Variants in SNTG2 observed in about 807,000 individuals in gnomAD.
The protein encoded by SNTG2 is syntrophin gamma 2.
In SNTG2, 74 loss-of-function variants were observed where a neutral mutation model predicts 70.9. The observed-to-expected ratio is 1.04, with a 90% CI of 0.86 to 1.27. The LOEUF (loss-of-function observed/expected upper bound fraction) is 1.27, where lower values mean the gene tolerates loss of function less well. Ranked by LOEUF, SNTG2 falls within the 50% of genes most tolerant of loss-of-function variation. SNTG2 has a pLI of 0.00. For synonymous variants in SNTG2, 278 were observed against 273.8 expected, an observed-to-expected ratio of 1.02 and a Z score of -0.15; for missense variants, 717 against 690.7, an observed-to-expected ratio of 1.04 and a Z score of -0.43.
chr2:968,005 A>G (rs994913110), intron 1 of SNTG2, among the ~76,000 whole-genome samples: 6 of 152,086 alleles, frequency 3.9e-5, no homozygotes, highest in Non-Finnish European at 7.3e-5. Context: ...AGCTTGGGCA[A>G]CAGAGCGAGA....
chr2:1,314,925 T>G (rs1681201644), intron 15 of SNTG2, among the ~76,000 whole-genome samples: 1 of 152,160 alleles, frequency 6.6e-6, no homozygotes, highest in Non-Finnish European at 1.5e-5. Flanking sequence ...GGGAAAGACC[T>G]GCCCTCATGA....
intron 2 of SNTG2, among the ~76,000 whole-genome samples, chr2:1,092,255 GA>G (rs984859314): frequency 1.2e-4 from 3 of 25,426 alleles, no homozygotes; most frequent in African/African-American, 3.9e-4. Context: ...ATTAGAGAGA[GA>G]AAAAAAAACC....
chr2:977,973 G>A (rs1162488358), intron 1 of SNTG2, among the ~76,000 whole-genome samples: 1 of 152,160 alleles, frequency 6.6e-6, no homozygotes, highest in Non-Finnish European at 1.5e-5. Context: ...TGTAACATCA[G>A]CCTACGTATT....
At chr2:1,263,972 A>G (rs996472317) in intron 13 of SNTG2, among the ~76,000 whole-genome samples, 3 of 150,642 alleles carry the variant, frequency 2.0e-5, no homozygotes, top group Non-Finnish European at 4.5e-5. Flanking sequence ...AAGAAACACA[A>G]TTGACCTTTG....
Position 1,362,267 on chromosome 2 carries a change from G to A in SNTG2, c.1489-5076G>A, listed in dbSNP as rs1027911607. Among the ~76,000 whole-genome samples the A allele has an allele frequency of 2.2e-3, 327 of 149,876 alleles. 2 individuals are homozygous for A. The highest frequency in any genetic ancestry group is 7.7e-3 in the African/African-American group (306 of 39,822). ...CAGTAGAACTTCCGTGAAAGTCACC[G>A]ACGCTAAGCATTTCAATAGAACTTC... On this transcript the variant is annotated intron_variant, in intron 16 of 16. Transcript: ENST00000308624.
intron 4 of SNTG2, among the ~76,000 whole-genome samples, chr2:1,122,596 CCTAG>C (rs1667441845): frequency 1.3e-5 from 2 of 151,990 alleles, no homozygotes; most frequent in Admixed American, 1.3e-4. Context: ...ATGAAAAATT[CCTAG>C]CTAGCATTAT....
intron 1 of SNTG2, among the ~76,000 whole-genome samples, chr2:1,021,540 T>C (rs1660174750): frequency 6.6e-6 from 1 of 152,144 alleles, no homozygotes; most frequent in South Asian, 2.1e-4. Context: ...AAATATATTT[T>C]TTAATATTTT....
intron 1 of SNTG2, among the ~76,000 whole-genome samples, chr2:1,035,119 G>A (rs948122211): frequency 1.3e-5 from 2 of 152,160 alleles, no homozygotes; most frequent in African/African-American, 4.8e-5. Context: ...TGACTTTTGG[G>A]TAAATAATGA....
intron 6 of SNTG2, among the ~76,000 whole-genome samples, chr2:1,157,550 A>G (rs1265496265): frequency 6.6e-6 from 1 of 152,248 alleles, no homozygotes; most frequent in African/African-American, 2.4e-5. Flanking sequence ...TTCCTTATGT[A>G]TAACAGAGAC....
intron 6 of SNTG2, among the ~76,000 whole-genome samples, chr2:1,147,145 C>T (rs574086387): frequency 1.8e-4 from 27 of 152,248 alleles, no homozygotes; most frequent in African/African-American, 6.5e-4. Flanking sequence ...ATTATAACCT[C>T]ATTATTGTCT....
chr2:1,091,516 G>A (rs1418548038), intron 2 of SNTG2, among the ~76,000 whole-genome samples: 1 of 152,168 alleles, frequency 6.6e-6, no homozygotes, highest in Non-Finnish European at 1.5e-5. Flanking sequence ...GGCGGCCGGG[G>A]GCCTGGTTCC....
At position 1,193,484 on chromosome 2, in the gene SNTG2, G is replaced by A. The variant is rs190270419; in HGVS notation, c.592-15619G>A. Among the ~76,000 whole-genome samples, 79 of 152,238 alleles carry A rather than the reference G, an allele frequency of 5.2e-4. 1 individual carries two copies. Among genetic ancestry groups the A allele is most frequent in the African/African-American group, 1.9e-3 (77 of 41,550 alleles). ...TTTTCTGAGATACTAAATGAGCAAC[G>A]CATATTTTAGAAGTCCGTTGCTGTA... On this transcript the variant is annotated intron_variant, in intron 8 of 16. Coordinates refer to ENST00000308624, the MANE Select transcript of SNTG2 (RefSeq NM_018968.4).
chr2:1,011,026 AT>A (rs1659715686), intron 1 of SNTG2, among the ~76,000 whole-genome samples: 2 of 152,390 alleles, frequency 1.3e-5, no homozygotes, highest in African/African-American at 4.8e-5. Flanking sequence ...TGGTGTGTTC[AT>A]GGAAATGTTC....
intron 1 of SNTG2, among the ~76,000 whole-genome samples, chr2:971,434 A>T (rs1034186151): frequency 2.0e-5 from 3 of 151,154 alleles, no homozygotes; most frequent in Non-Finnish European, 4.4e-5. Context: ...TAGGTTTTTT[A>T]GTTTGTGTTC....
At chr2:973,171 C>T (rs1660798735) in intron 1 of SNTG2, among the ~76,000 whole-genome samples, 1 of 152,184 alleles carries the variant, frequency 6.6e-6, no homozygotes, top group South Asian at 2.1e-4. Flanking sequence ...TTTATTTAAT[C>T]CGTATTTCTG....
intron 1 of SNTG2, among the ~76,000 whole-genome samples, chr2:1,073,837 A>C (rs750640832): frequency 3.9e-5 from 6 of 152,260 alleles, no homozygotes; most frequent in Non-Finnish European, 8.8e-5. Context: ...TTCATTAACA[A>C]ATAGTTAAAT....
At chr2:1,306,526 G>A (rs1680674035) in intron 14 of SNTG2, among the ~76,000 whole-genome samples, 3 of 152,360 alleles carry the variant, frequency 2.0e-5, no homozygotes, top group Admixed American at 2.0e-4. Flanking sequence ...TGCAGCCACA[G>A]GGCCGAGCAC....
chr2:1,144,533 C>T lies in SNTG2; in HGVS notation c.411+6724C>T, dbSNP rs532108887. ...TCTGTTTGCACATTGCTGATGAAGA[C>T]ATACCTGAGACTAGGTAATTTATAA... On this transcript the variant is annotated intron_variant, in intron 6 of 16. Transcript: ENST00000308624. 1.2e-4 allele frequency among the ~76,000 whole-genome samples: 19 copies of T among 152,270 alleles called. 1 individual carries two copies. The highest frequency in any genetic ancestry group is 4.3e-4 in the African/African-American group (18 of 41,554).
At chr2:1,141,351 G>A (rs1668737285) in intron 6 of SNTG2, among the ~76,000 whole-genome samples, 1 of 152,188 alleles carries the variant, frequency 6.6e-6, no homozygotes. Flanking sequence ...GTATGCTATT[G>A]CCATTCAAAG....
Sources: gnomAD v4.1 joint callset for allele counts (sites outside exome capture counted in the v4.1 genomes callset) on GRCh38, gnomAD v4.1.1 for gene constraint, MANE v1.5 for transcripts, NCBI Gene and HGNC (gene_info 2026-07-23, HGNC 2026-07-21) for gene names.